The following RREB1 variants were observed in gnomAD, a reference collection of about 807,000 sequenced individuals.
RREB1 encodes ras responsive element binding protein 1.
In RREB1, 27 loss-of-function variants were observed where a neutral mutation model predicts 117.8. The ratio of observed to expected loss-of-function variants is 0.23; its 90% CI spans 0.17 to 0.32. RREB1 has a LOEUF of 0.32. Among genes scored for constraint, RREB1 ranks in the 10% least tolerant of loss-of-function variants. RREB1 has a pLI of 1.00. For synonymous variants in RREB1, 1,298 were observed against 1,026.7 expected, an observed-to-expected ratio of 1.26 and a Z score of -5.05; for missense variants, 2,577 against 2,378.2, an observed-to-expected ratio of 1.08 and a Z score of -1.74.
chr6:7,199,830 A>AT (rs1352235616), intron 6 of RREB1, among the ~76,000 whole-genome samples: 3 of 151,892 alleles, frequency 2.0e-5, no homozygotes, highest in Admixed American at 1.3e-4. Context: ...TGCCTGGCCT[A>AT]TTTTTATACT....
chr6:7,179,555 C>T (rs1053078755), intron 2 of RREB1, among the ~76,000 whole-genome samples: 42 of 152,082 alleles, frequency 2.8e-4, no homozygotes, highest in African/African-American at 9.9e-4. Flanking sequence ...GGGAGATATA[C>T]GTATTTAAAA....
intron 1 of RREB1, chr6:7,140,524 C>T (rs1258251813): frequency 6.6e-6 from 1 of 152,182 alleles, no homozygotes; most frequent in Non-Finnish European, 1.5e-5. Flanking sequence ...TAATGTTCCC[C>T]AACTTTTGCC....
At chr6:7,156,042 A>C (rs1223449819) in intron 1 of RREB1, among the ~76,000 whole-genome samples, 5 of 152,244 alleles carry the variant, frequency 3.3e-5, no homozygotes, top group Admixed American at 2.0e-4. Context: ...TATAACTCAC[A>C]AAGTAACATT....
In RREB1 at chr6:7,131,863, C is replaced by CT. The variant is rs748171055; in HGVS notation, c.-285+23816dup. ...TACTATAGGTTAAGCTCCTTGAGGA[C>CT]TTTTTTTTTTTTTGGAGACAGAGTC... On this transcript the variant is annotated intron_variant, in intron 1 of 12. Coordinates refer to ENST00000379938, the MANE Select transcript of RREB1 (RefSeq NM_001003699.4). 6.5e-3 allele frequency among the ~76,000 whole-genome samples: 934 copies of CT among 143,236 alleles called. 6 individuals are homozygous for CT. Among genetic ancestry groups the CT allele is most frequent in the African/African-American group, 0.019 (727 of 39,258 alleles). The allele number at this position is 143,236 out of a possible 152,430, so 94.0% of individuals were successfully genotyped here.
intron 1 of RREB1, among the ~76,000 whole-genome samples, chr6:7,129,780 A>C (rs913919649): frequency 6.6e-6 from 1 of 152,334 alleles, no homozygotes; most frequent in Non-Finnish European, 1.5e-5. Flanking sequence ...CCTGGGTTCC[A>C]CTTTAGCCCT....
chr6:7,155,972 A>G (rs1278252770), intron 1 of RREB1, among the ~76,000 whole-genome samples: 1 of 152,234 alleles, frequency 6.6e-6, no homozygotes, highest in Non-Finnish European at 1.5e-5. Flanking sequence ...TAGGTAGAAG[A>G]TAAAGATAGC....
rs1767815312 is a variant in RREB1 at position 7,229,829 on chromosome 6, T to C, written c.1730T>C (p.Leu577Pro). ...SGTQPHAATRLSLQQPRAELP... is the reference protein window; with the variant it reads ...SGTQPHAATRPSLQQPRAELP... ...ACCCAGCCCCACGCGGCCACGCGGC[T>C]CTCCCTGCAGCAGCCGCGGGCGGAG... Residue 577 changes from leucine to proline, a missense_variant, in exon 10 of 13, where the codon CTC becomes CCC. Leu to Pro is a moderately conservative substitution (Grantham distance 98, BLOSUM62 -3). Transcript: ENST00000379938. This position sits in a 1 kb window ranked among gnomAD's most constrained non-coding sequence, Gnocchi z 4.5. The C allele has an allele frequency of 1.2e-6, 2 of 1,610,460 alleles. No individual in the cohort carries two copies. Among genetic ancestry groups the C allele is most frequent in the Non-Finnish European group, 1.7e-6 (2 of 1,178,560 alleles).
intron 2 of RREB1, among the ~76,000 whole-genome samples, chr6:7,177,431 C>T (rs550874504): frequency 6.6e-6 from 1 of 151,782 alleles, no homozygotes; most frequent in East Asian, 1.9e-4. Context: ...ACTGGAACAC[C>T]AGGTTCATCT....
intron 10 of RREB1, among the ~76,000 whole-genome samples, chr6:7,232,768 T>TA (rs1030489565): frequency 1.3e-5 from 2 of 150,528 alleles, no homozygotes; most frequent in Non-Finnish European, 3.0e-5. Context: ...TTTTTCTTTT[T>TA]TTTTTTTTTT....
intron 1 of RREB1, among the ~76,000 whole-genome samples, chr6:7,173,949 C>T (rs776811036): frequency 3.3e-5 from 5 of 152,108 alleles, no homozygotes; most frequent in Admixed American, 2.6e-4. Context: ...TCCCGTATCT[C>T]CCCCGGGGCT....
intron 1 of RREB1, among the ~76,000 whole-genome samples, chr6:7,165,782 G>A (rs1012580070): frequency 1.3e-5 from 2 of 152,012 alleles, no homozygotes; most frequent in African/African-American, 4.8e-5. Flanking sequence ...TTATTGCCCG[G>A]GTATGAAAGA....
intron 1 of RREB1, among the ~76,000 whole-genome samples, chr6:7,152,727 T>C (rs1400418094): frequency 2.0e-5 from 3 of 152,188 alleles, no homozygotes; most frequent in African/African-American, 7.2e-5. Context: ...GCTTTGCCAG[T>C]GCTAAGTGGG....
At position 7,117,388 on chromosome 6, in the gene RREB1, G is replaced by GTTTTTT. The variant is rs70978941; in HGVS notation, c.-285+9360_-285+9365dup. The stretch of plus-strand genomic sequence containing the variant: ...GGTGAACCATGTGAATAGGTTTCCT[G>GTTTTTT]TTTTTTTTTTTTTTTTTTTTTTTTT... On this transcript the variant is annotated intron_variant, in intron 1 of 12. Transcript: ENST00000379938. 5.2e-4 allele frequency among the ~76,000 whole-genome samples: 33 copies of GTTTTTT among 63,294 alleles called. 3 individuals are homozygous for GTTTTTT. The highest frequency in any genetic ancestry group is 6.2e-4 in the Non-Finnish European group (23 of 36,806). The allele number at this position is 63,294 out of a possible 152,430, so 41.5% of individuals were successfully genotyped here.
In RREB1 at chr6:7,231,035, T is replaced by C; in HGVS notation, c.2936T>C (p.Leu979Pro). The C allele has an allele frequency of 6.2e-7, 1 of 1,613,976 alleles. No individual in the cohort carries two copies. The highest frequency in any genetic ancestry group is 8.5e-7 in the Non-Finnish European group (1 of 1,180,012). The change falls in exon 10 of 13, where the codon CTT becomes CCT. Residue 979 changes from leucine (L) to proline (P), a missense_variant. By Grantham distance (98) the Leu-to-Pro change is moderately conservative (BLOSUM62 -3). Transcript: ENST00000379938. Reference sequence around the variant, plus strand: ...CCCTGCCCAGCACCCGGCCCTTCTCTTCCTGTAACTTTGGGGCCCAGCGGA... The same window carrying C: ...CCCTGCCCAGCACCCGGCCCTTCTCCTCCTGTAACTTTGGGGCCCAGCGGA... ...PSPCPAPGPSLPVTLGPSGIL... is the reference protein window; with the variant it reads ...PSPCPAPGPSPPVTLGPSGIL...
At chr6:7,221,241 T>C (rs1303927502) in intron 8 of RREB1, among the ~76,000 whole-genome samples, 1 of 151,868 alleles carries the variant, frequency 6.6e-6, no homozygotes, top group Non-Finnish European at 1.5e-5. Flanking sequence ...CAATCTCGGC[T>C]CACTGCAAGC....
At chr6:7,154,535 A>G (rs766051837) in intron 1 of RREB1, among the ~76,000 whole-genome samples, 2 of 152,218 alleles carry the variant, frequency 1.3e-5, no homozygotes, top group Non-Finnish European at 2.9e-5. Flanking sequence ...GGATGGTATC[A>G]TGTGTGCCAG....
intron 6 of RREB1, among the ~76,000 whole-genome samples, chr6:7,195,124 T>A (rs557233963): frequency 1.3e-5 from 2 of 152,212 alleles, no homozygotes; most frequent in East Asian, 3.9e-4. Flanking sequence ...TGCCAGAAAA[T>A]AAATTGAGTA....
intron 2 of RREB1, among the ~76,000 whole-genome samples, 176 bp from the exon 3 acceptor site, chr6:7,180,948 T>G (rs1048884448): frequency 6.6e-6 from 1 of 152,112 alleles, no homozygotes; most frequent in South Asian, 2.1e-4. Flanking sequence ...TAAGATAAGG[T>G]TGAGAAACAG....
At chr6:7,131,001 C>A (rs1391803308) in intron 1 of RREB1, among the ~76,000 whole-genome samples, 1 of 137,336 alleles carries the variant, frequency 7.3e-6, no homozygotes, top group African/African-American at 2.8e-5. Context: ...GTCAGTGGCG[C>A]GATCTCGGCT....
Sources: allele counts gnomAD v4.1 joint callset (sites outside exome capture counted in the v4.1 genomes callset), GRCh38; gene constraint gnomAD v4.1.1; non-coding constraint Gnocchi (gnomAD v3.1); transcripts MANE v1.5; gene names NCBI Gene and HGNC (gene_info 2026-07-23, HGNC 2026-07-21).